The following CNTN5 variants were observed in gnomAD, a reference collection of about 807,000 sequenced individuals.
CNTN5 encodes the protein contactin-5.
In CNTN5, 77 loss-of-function variants were observed where a neutral mutation model predicts 129.1. The observed-to-expected ratio is 0.60, with a 90% CI of 0.50 to 0.72. The LOEUF (loss-of-function observed/expected upper bound fraction) is 0.72, where lower values mean the gene tolerates loss of function less well. Among genes scored for constraint, CNTN5 ranks in the 30% least tolerant of loss-of-function variants. CNTN5 has a pLI of 0.00. For synonymous variants in CNTN5, 509 were observed against 465.6 expected (o/e 1.09, Z -1.20); for missense variants, 1,478 against 1,328.8 (o/e 1.11, Z -1.75).
rs570255880 is a variant in CNTN5 at position 99,764,864 on chromosome 11, T to C, written c.56-54680T>C. On this transcript the variant is annotated intron_variant, in intron 3 of 24. Coordinates refer to ENST00000524871, the MANE Select transcript of CNTN5 (RefSeq NM_014361.4). ...ACGCATATGGCTGTAGCATCCTTAT[T>C]TGATAGCTCAAGTCTGGGCCAGTGT... Among the ~76,000 whole-genome samples, 3 of 152,288 alleles carry C rather than the reference T, an allele frequency of 2.0e-5. No individual in the cohort carries two copies. The South Asian group carries it at 6.2e-4, about 32-fold the overall frequency.
intron 7 of CNTN5, among the ~76,000 whole-genome samples, chr11:99,939,590 A>C: frequency 6.6e-6 from 1 of 151,984 alleles, no homozygotes; most frequent in South Asian, 2.1e-4. Context: ...AATAGTGTCC[A>C]TGTGCCACTG....
chr11:99,644,241 T>C (rs1278803937), intron 3 of CNTN5, among the ~76,000 whole-genome samples: 1 of 152,072 alleles, frequency 6.6e-6, no homozygotes. Context: ...TTACGTCTTT[T>C]TCCTTTGCTC....
chr11:100,234,922 A>G (rs1949578133), intron 16 of CNTN5, among the ~76,000 whole-genome samples: 1 of 151,854 alleles, frequency 6.6e-6, no homozygotes, highest in Admixed American at 6.6e-5. Flanking sequence ...ATTTTTTGCA[A>G]TTGCCCCAAT....
At chr11:100,187,160 G>A (rs558953979) in intron 13 of CNTN5, among the ~76,000 whole-genome samples, 15 of 152,134 alleles carry the variant, frequency 9.9e-5, no homozygotes, top group Non-Finnish European at 1.9e-4. Context: ...TGCAGCTATT[G>A]TAAATGGGAT....
At chr11:99,477,671 C>T (rs548134390) in intron 2 of CNTN5, among the ~76,000 whole-genome samples, 16 of 151,502 alleles carry the variant, frequency 1.1e-4, no homozygotes, top group Admixed American at 2.0e-4. Context: ...GATCAGGGGC[C>T]GGGTGCAGTG....
intron 1 of CNTN5, among the ~76,000 whole-genome samples, chr11:99,072,683 T>C (rs1437357460): frequency 6.6e-6 from 1 of 152,134 alleles, no homozygotes; most frequent in Admixed American, 6.6e-5. Context: ...TACTGAATCT[T>C]TTTTTAGCTT....
intron 9 of CNTN5, among the ~76,000 whole-genome samples, chr11:100,005,397 A>T (rs1045073174): frequency 6.6e-6 from 1 of 151,872 alleles, no homozygotes; most frequent in African/African-American, 2.4e-5. Context: ...TCACTCTATC[A>T]TTTATCTTTG....
intron 6 of CNTN5, among the ~76,000 whole-genome samples, chr11:99,906,129 C>T (rs557520124): frequency 1.8e-4 from 28 of 152,112 alleles, no homozygotes; most frequent in Non-Finnish European, 3.7e-4. Context: ...CTCTTTATTT[C>T]TTCCTCATGC....
At chr11:99,674,301 G>GTT (rs34325595) in intron 3 of CNTN5, among the ~76,000 whole-genome samples, 9,341 of 148,512 alleles carry the variant, frequency 0.063, 377 homozygotes, top group Non-Finnish European at 0.084. Context: ...CCTTTTGATG[G>GTT]TTTTTTTTTC....
At chr11:100,297,507 T>A in intron 18 of CNTN5, 118 bp from the exon 19 acceptor site, 1 of 755,896 alleles carries the variant, frequency 1.3e-6, no homozygotes. Context: ...CAATATTTTG[T>A]TTTAATCTTT....
intron 20 of CNTN5, among the ~76,000 whole-genome samples, chr11:100,307,710 G>T (rs1304309126): frequency 6.6e-6 from 1 of 151,164 alleles, no homozygotes; most frequent in East Asian, 1.9e-4. Context: ...CTTGTGGTTG[G>T]AACAACAAAA....
intron 6 of CNTN5, among the ~76,000 whole-genome samples, chr11:99,907,788 G>C (rs1471500197): frequency 1.3e-5 from 2 of 151,864 alleles, no homozygotes; most frequent in Non-Finnish European, 2.9e-5. Context: ...TAAAATTACA[G>C]AAAGTTGTAA....
chr11:100,255,746 C>T lies in CNTN5; in HGVS notation c.2006-14C>T, dbSNP rs201511862. The T allele has an allele frequency of 8.1e-6, 13 of 1,611,868 alleles. No homozygotes were observed. The highest frequency in any genetic ancestry group is 9.3e-6 in the Non-Finnish European group (11 of 1,178,554). The stretch of plus-strand genomic sequence containing the variant: ...AATTTGTGCTTAACTTTATCCATTG[C>T]CTTTGACCTATAGGACCCCCAGGCC... On this transcript the variant is annotated splice_polypyrimidine_tract_variant and intron_variant, in intron 16 of 24. Coordinates refer to ENST00000524871, the MANE Select transcript of CNTN5 (RefSeq NM_014361.4).
At chr11:99,630,770 T>C (rs1481285900) in intron 3 of CNTN5, among the ~76,000 whole-genome samples, 1 of 152,176 alleles carries the variant, frequency 6.6e-6, no homozygotes, top group African/African-American at 2.4e-5. Flanking sequence ...GACCAATCTC[T>C]TAATTATTTA....
intron 1 of CNTN5, among the ~76,000 whole-genome samples, chr11:99,227,873 G>A (rs1860774021): frequency 6.6e-6 from 1 of 152,024 alleles, no homozygotes; most frequent in African/African-American, 2.4e-5. Flanking sequence ...TTATGATGTA[G>A]TTACACTTAA....
intron 3 of CNTN5, among the ~76,000 whole-genome samples, chr11:99,671,016 T>A (rs897460404): frequency 7.9e-5 from 12 of 152,188 alleles, no homozygotes; most frequent in African/African-American, 2.9e-4. Flanking sequence ...TTTAAATGGT[T>A]TCTTTAGCTC....
chr11:99,558,198 C>CT (rs11375374), intron 3 of CNTN5: 248,071 of 268,700 alleles, frequency 0.92, 114,518 homozygotes, highest in East Asian at 0.98. Context: ...TGTTGGGTTT[C>CT]TTTTTTTTGT....
chr11:99,717,288 G>A (rs958378167), intron 3 of CNTN5, among the ~76,000 whole-genome samples: 1 of 151,824 alleles, frequency 6.6e-6, no homozygotes, highest in South Asian at 2.1e-4. Context: ...AACAAATTAA[G>A]GAAAGTCTTA....
chr11:99,840,888 G>T (rs1227941776), intron 4 of CNTN5, among the ~76,000 whole-genome samples: 2 of 152,126 alleles, frequency 1.3e-5, no homozygotes, highest in Non-Finnish European at 2.9e-5. Context: ...ATGACCAGAA[G>T]ATAAAATTCA....
Sources: allele counts gnomAD v4.1 joint callset (sites outside exome capture counted in the v4.1 genomes callset), GRCh38; gene constraint gnomAD v4.1.1; transcripts MANE v1.5; gene names NCBI Gene and HGNC (gene_info 2026-07-23, HGNC 2026-07-21).